IQSEC1: variants seen among roughly 807,000 people sequenced by gnomAD.
IQSEC1 encodes IQ motif and Sec7 domain ArfGEF 1.
A neutral mutation model predicts 91.0 loss-of-function variants in IQSEC1; 31 were observed. The ratio of observed to expected loss-of-function variants is 0.34; its 90% confidence interval spans 0.26 to 0.46. IQSEC1 has a LOEUF of 0.46. Among genes scored for constraint, IQSEC1 ranks in the 20% least tolerant of loss-of-function variants. The pLI, the probability that IQSEC1 is intolerant of heterozygous loss-of-function variation, is 1.00. For missense variants in IQSEC1, 1,388 were observed against 1,575.6 expected (o/e 0.88, Z 2.02); for synonymous variants, 699 against 662.6 (o/e 1.05, Z -0.84).
At chr3:13,271,050 T>C (rs1695582531) in intron 1 of IQSEC1, among the ~76,000 whole-genome samples, 1 of 152,174 alleles carries the variant, frequency 6.6e-6, no homozygotes, top group Admixed American at 6.5e-5. Flanking sequence ...AGAAGGACAT[T>C]TCATAATGAT....
At chr3:13,275,955 T>C (rs954083675) in intron 1 of IQSEC1, among the ~76,000 whole-genome samples, 3 of 152,230 alleles carry the variant, frequency 2.0e-5, no homozygotes, top group East Asian at 3.8e-4. Context: ...ATAGTAAATA[T>C]TCCAAAACCT....
At chr3:13,109,548 T>C (rs1172480773) in intron 2 of IQSEC1, among the ~76,000 whole-genome samples, 2 of 152,032 alleles carry the variant, frequency 1.3e-5, no homozygotes, top group Non-Finnish European at 2.9e-5. Context: ...TGCTGGGTGG[T>C]GTTTGGGTCA....
intron 1 of IQSEC1, among the ~76,000 whole-genome samples, chr3:12,973,293 C>A (rs1402078590): frequency 6.6e-6 from 1 of 152,194 alleles, no homozygotes; most frequent in Non-Finnish European, 1.5e-5. Flanking sequence ...GCCCCAGTGC[C>A]TTTGCTTATC....
At chr3:13,088,971 GTGGGAGCCCCTCTGGGGGTCCAGACA>G (rs1433259100) in intron 2 of IQSEC1, among the ~76,000 whole-genome samples, 4 of 152,294 alleles carry the variant, frequency 2.6e-5, no homozygotes, top group Non-Finnish European at 5.9e-5. Flanking sequence ...GACAGCAGCA[GTGGGAGCCCCTCTGGGGGTCCAGACA>G]GTGGGCTTTA....
chr3:13,047,276 G>C (rs2125055062), intron 1 of IQSEC1, among the ~76,000 whole-genome samples: 1 of 152,336 alleles, frequency 6.6e-6, no homozygotes, highest in East Asian at 1.9e-4. Context: ...GGGGGACCTT[G>C]ATTTGAGGGG....
intron 1 of IQSEC1, among the ~76,000 whole-genome samples, chr3:13,242,969 C>A (rs928784593): frequency 6.6e-6 from 1 of 152,026 alleles, no homozygotes; most frequent in African/African-American, 2.4e-5. Context: ...TCTTTAAATC[C>A]CAGTAGTGAG....
At chr3:13,011,734 A>G (rs1486462923) in intron 1 of IQSEC1, among the ~76,000 whole-genome samples, 1 of 152,210 alleles carries the variant, frequency 6.6e-6, no homozygotes, top group Non-Finnish European at 1.5e-5. Context: ...CCTGTTCTGT[A>G]GGCATCGGGT....
chr3:12,902,670 C>CAAAAAAAAAAAAAA lies in IQSEC1; in HGVS notation c.2805+89_2805+102dup, dbSNP rs1213830618. ...AAAAAAAAAACAACAAAAAAAAAACCAAAAAAAAAAAAAAAAAAAAAAAAC... is the reference window on the plus strand; with the variant it reads ...AAAAAAAAAACAACAAAAAAAAAACCAAAAAAAAAAAAAAAAAAAAAAAAAAAAAAAAAAAAAAC... On this transcript the variant is annotated intron_variant, in intron 13 of 13. Transcript: ENST00000613206. The CAAAAAAAAAAAAAA allele has an allele frequency of 3.4e-4, 65 of 192,638 alleles. 1 individual carries two copies. Among genetic ancestry groups the CAAAAAAAAAAAAAA allele is most frequent in the South Asian group, 6.1e-4 (12 of 19,692 alleles). The allele number at this position is 192,638 out of a possible 1,614,324, so 11.9% of individuals were successfully genotyped here.
chr3:12,925,137 C>G (rs1436554203), intron 3 of IQSEC1, among the ~76,000 whole-genome samples: 13 of 152,198 alleles, frequency 8.5e-5, no homozygotes, highest in Non-Finnish European at 1.3e-4. Flanking sequence ...CTGCCGGGCA[C>G]TGGCCCCAAA....
At chr3:13,052,822 T>G in intron 1 of IQSEC1, 1 of 606,192 alleles carries the variant, frequency 1.6e-6, no homozygotes, top group Non-Finnish European at 3.0e-6. Flanking sequence ...AACCAACGCG[T>G]TCATAACATA....
At chr3:12,976,002 C>G (rs1386539975) in intron 1 of IQSEC1, among the ~76,000 whole-genome samples, 1 of 152,260 alleles carries the variant, frequency 6.6e-6, no homozygotes, top group Non-Finnish European at 1.5e-5. Context: ...GCTGTATAGC[C>G]TTGGGCGTCA....
intron 3 of IQSEC1, among the ~76,000 whole-genome samples, chr3:12,925,134 G>A (rs1696998862): frequency 6.6e-6 from 1 of 152,140 alleles, no homozygotes; most frequent in Non-Finnish European, 1.5e-5. Flanking sequence ...CGGCTGCCGG[G>A]CACTGGCCCC....
intron 1 of IQSEC1, among the ~76,000 whole-genome samples, chr3:12,995,358 G>T (rs748397724): frequency 3.3e-5 from 5 of 152,252 alleles, no homozygotes; most frequent in Non-Finnish European, 7.3e-5. Context: ...GACATCTCAT[G>T]ACCCTGGACA....
intron 1 of IQSEC1, among the ~76,000 whole-genome samples, chr3:13,012,637 G>A (rs1056868037): frequency 6.6e-6 from 1 of 152,180 alleles, no homozygotes; most frequent in South Asian, 2.1e-4. Flanking sequence ...CTACATGCCG[G>A]GCACAGAGCC....
intron 1 of IQSEC1, among the ~76,000 whole-genome samples, chr3:13,208,001 G>A (rs551006112): frequency 5.3e-5 from 8 of 152,150 alleles, no homozygotes; most frequent in Admixed American, 2.0e-4. Context: ...ATAAATCACT[G>A]TATGTTTCTA....
intron 1 of IQSEC1, among the ~76,000 whole-genome samples, chr3:13,177,964 GTGGGGAGAAAGCCACA>G (rs1481702051): frequency 5.3e-5 from 8 of 152,346 alleles, no homozygotes; most frequent in African/African-American, 1.9e-4. Flanking sequence ...CTGGGGCTGG[GTGGGGAGAAAGCCACA>G]GCAACATCCC....
In IQSEC1 at chr3:12,983,570, AG is replaced by A. The variant is rs1576110171; in HGVS notation, c.24-41706del. Among the ~76,000 whole-genome samples the A allele has an allele frequency of 6.6e-6, 1 of 152,098 alleles. No individual in the cohort carries two copies. Among genetic ancestry groups the A allele is most frequent in the Non-Finnish European group, 1.5e-5 (1 of 68,006 alleles). ...ATGAAGTGATGCCCCAGCCTTGAGC[AG>A]GGTGCCCAGAGGGGGTGCTGAGCCA... On this transcript the variant is annotated intron_variant, in intron 1 of 13. Coordinates refer to ENST00000613206, the MANE Select transcript of IQSEC1 (RefSeq NM_001134382.3). The surrounding 1 kb of genome is among the most constrained non-coding windows in gnomAD (Gnocchi z 4.3).
rs1483670141 is a variant in IQSEC1 at position 13,110,313 on chromosome 3, G to A, written c.302+53791C>T. Among the ~76,000 whole-genome samples, 11 of 151,950 alleles carry A rather than the reference G, an allele frequency of 7.2e-5. No homozygotes were observed. The East Asian group carries it at 9.7e-4, about 13-fold the overall frequency. On this transcript the variant is annotated intron_variant, in intron 2 of 15. Coordinates refer to the IQSEC1 transcript ENST00000648114. ...ATTTTGTAGTTAAAGAAACCCGGCC[G>A]GGCGCGGTGGCTCACACCTGAAATC...
At chr3:13,250,353 C>T (rs1036824630) in intron 1 of IQSEC1, among the ~76,000 whole-genome samples, 4 of 151,564 alleles carry the variant, frequency 2.6e-5, no homozygotes, top group East Asian at 1.9e-4. Context: ...GCAATAGCCG[C>T]GGGACCAGCA....
Sources: gnomAD v4.1 joint callset for allele counts (sites outside exome capture counted in the v4.1 genomes callset) on GRCh38, gnomAD v4.1.1 for gene constraint, Gnocchi (gnomAD v3.1) non-coding constraint, MANE v1.5 for transcripts, NCBI Gene and HGNC (gene_info 2026-07-23, HGNC 2026-07-21) for gene names.